CCDC33: variants seen among roughly 807,000 people sequenced by gnomAD.
CCDC33 encodes the protein coiled-coil domain containing 33.
A neutral mutation model predicts 91.9 loss-of-function variants in CCDC33; 94 were observed. That is an observed-to-expected ratio of 1.02 (90% CI 0.87 to 1.21). The LOEUF is 1.21. Among genes scored for constraint, CCDC33 ranks in the 50% most tolerant of loss-of-function variants. The pLI, the probability that CCDC33 is intolerant of heterozygous loss-of-function variation, is 0.00. For missense variants in CCDC33, 940 were observed against 935.5 expected (o/e 1.00, Z -0.06); for synonymous variants, 396 against 374.5 (o/e 1.06, Z -0.66).
At chr15:74,283,820 C>CACATACACACA (rs56079858) in intron 10 of CCDC33, among the ~76,000 whole-genome samples, 2 of 148,218 alleles carry the variant, frequency 1.3e-5, no homozygotes, top group African/African-American at 2.5e-5. Flanking sequence ...ACACACACAC[C>CACATACACACA]CCCTCTACAT....
chr15:74,307,868 C>T (rs138778955), intron 11 of CCDC33, among the ~76,000 whole-genome samples: 1 of 152,010 alleles, frequency 6.6e-6, no homozygotes, highest in African/African-American at 2.4e-5. Flanking sequence ...GGCAGTATGG[C>T]GAGAGCCACT....
rs1360724085 is a variant in CCDC33 at position 74,330,230 on chromosome 15, G to A, written c.1332G>A (p.Glu444=). Residue 444 remains glutamate (E), a synonymous_variant, in exon 12 of 19, where the codon GAG becomes GAA. Transcript: ENST00000398814. Reference sequence around the variant, plus strand: ...GGCGGGCCATGCAGAAGATGGCAGAGGACATCCTGTCTCTGCGGAGACAGG... The same window carrying A: ...GGCGGGCCATGCAGAAGATGGCAGAAGACATCCTGTCTCTGCGGAGACAGG... ...NYRRAMQKMA[E]DILSLRRQAS... 2 of 1,612,680 alleles carry A rather than the reference G, an allele frequency of 1.2e-6. No homozygotes were observed. Among genetic ancestry groups the A allele is most frequent in the African/African-American group, 2.7e-5 (2 of 74,854 alleles).
rs1437376225 is a variant in CCDC33, at chr15:74,266,764, C to T, written c.406C>T (p.Pro136Ser). ...CATCAAGTACCTGCGTGTCTTCCAC[C>T]CCTACCACTTTGAGCTGGTGAAGGT... ...IPIKYLRVFH[P>S]YHFELVKPTE... is the part of the protein sequence containing the mutation. The change falls in exon 4 of 19, where the codon CCC becomes TCC. Residue 136 changes from proline to serine, a missense_variant. Physicochemically the swap from Pro to Ser is moderately conservative, Grantham distance 74. Transcript: ENST00000398814. 1 of 1,613,938 alleles carries T rather than the reference C, an allele frequency of 6.2e-7. No individual in the cohort carries two copies. The highest frequency in any genetic ancestry group is 1.7e-5 in the Admixed American group (1 of 60,028).
chr15:74,249,976 C>T (rs2075654526), intron 2 of CCDC33, among the ~76,000 whole-genome samples: 1 of 152,182 alleles, frequency 6.6e-6, no homozygotes, highest in Admixed American at 6.5e-5. Flanking sequence ...TAAATGTTAG[C>T]CTGTCTCAGG....
At chr15:74,279,814 G>A (rs1266063037) in intron 7 of CCDC33, 149 bp from the exon 8 acceptor site, 3 of 1,057,506 alleles carry the variant, frequency 2.8e-6, no homozygotes, top group Non-Finnish European at 4.0e-6. Context: ...TGGAATTACA[G>A]GCGTGAGCCA....
chr15:74,230,542 T>C (rs1228174562), intron 2 of CCDC33, among the ~76,000 whole-genome samples: 1 of 152,222 alleles, frequency 6.6e-6, no homozygotes, highest in East Asian at 1.9e-4. Flanking sequence ...GAGCTGTGGT[T>C]GCCAAATGCC....
At chr15:74,280,961 G>C (rs2059350135) in intron 9 of CCDC33, among the ~76,000 whole-genome samples, 160 bp downstream of exon 9, 1 of 152,200 alleles carries the variant, frequency 6.6e-6, no homozygotes, top group South Asian at 2.1e-4. Flanking sequence ...GAAGTGAGGA[G>C]CTCCCTGGAA....
intron 7 of CCDC33, among the ~76,000 whole-genome samples, chr15:74,276,152 C>T (rs1193088599): frequency 2.0e-5 from 3 of 152,316 alleles, no homozygotes; most frequent in East Asian, 1.9e-4. Context: ...GTTATGGAGG[C>T]GGAGCCACCC....
intron 15 of CCDC33, among the ~76,000 whole-genome samples, chr15:74,332,130 A>G (rs2060452095): frequency 6.6e-6 from 1 of 152,218 alleles, no homozygotes; most frequent in African/African-American, 2.4e-5. Context: ...AGCAGAAAGG[A>G]CCAGGTAACA....
intron 2 of CCDC33, among the ~76,000 whole-genome samples, chr15:74,260,125 G>A (rs1407826734): frequency 1.3e-5 from 2 of 152,226 alleles, no homozygotes; most frequent in East Asian, 1.9e-4. Context: ...ACTTTGCTGG[G>A]GCAGCTGTCA....
intron 11 of CCDC33, among the ~76,000 whole-genome samples, chr15:74,307,593 C>T (rs2059913937): frequency 6.6e-6 from 1 of 152,070 alleles, no homozygotes; most frequent in African/African-American, 2.4e-5. Flanking sequence ...TCACCATCTT[C>T]CCAGCCTATC....
chr15:74,207,817 T>C (rs767499270), intron 1 of CCDC33: 31 of 1,535,242 alleles, frequency 2.0e-5, no homozygotes, highest in Non-Finnish European at 2.6e-5. Context: ...CACATCCAAC[T>C]GCCCTTCGCA....
chr15:74,217,236 G>A, exon 1 of CCDC33: 1 of 1,231,300 alleles, frequency 8.1e-7, no homozygotes, highest in Non-Finnish European at 1.0e-6. Flanking sequence ...GTGAGAGGGT[G>A]CAGTGCTCAG....
chr15:74,268,503 G>A (rs1245961582), intron 5 of CCDC33, 45 bp downstream of exon 5: 11 of 1,428,178 alleles, frequency 7.7e-6, no homozygotes, highest in Non-Finnish European at 9.8e-6. Context: ...GGGTGGGAAA[G>A]GGCCAAGCTT....
intron 11 of CCDC33, 74 bp from the exon 12 acceptor site, chr15:74,330,115 C>G: frequency 6.7e-7 from 1 of 1,486,694 alleles, no homozygotes; most frequent in Middle Eastern, 1.9e-4. Flanking sequence ...CACTGACTTT[C>G]AAGTGTAGAT....
rs2059694987 is a variant in CCDC33, at chr15:74,296,724, T to C, written c.1290+776T>C. ...GCTGCTGTGTTTTCCTGTTGCTGGTTGAGCAGATGCTCAGGAAGGGCTGGT... is the reference window on the plus strand; with the variant it reads ...GCTGCTGTGTTTTCCTGTTGCTGGTCGAGCAGATGCTCAGGAAGGGCTGGT... On this transcript the variant is annotated intron_variant, in intron 11 of 18. Coordinates refer to ENST00000398814, the MANE Select transcript of CCDC33 (RefSeq NM_025055.5). Among the ~76,000 whole-genome samples, 3 of 152,224 alleles carry C rather than the reference T, an allele frequency of 2.0e-5. No homozygotes were observed. In the South Asian group the frequency reaches 6.2e-4, roughly 32 times the overall value.
At chr15:74,211,559 C>G (rs1002592132) in intron 2 of CCDC33, among the ~76,000 whole-genome samples, 3 of 152,094 alleles carry the variant, frequency 2.0e-5, no homozygotes, top group Non-Finnish European at 4.4e-5. Flanking sequence ...CACCACCATG[C>G]CCGGCTGAAT....
upstream of CCDC33, among the ~76,000 whole-genome samples, chr15:74,232,152 CTGG>C (rs528402281): frequency 9.2e-5 from 14 of 152,246 alleles, no homozygotes; most frequent in South Asian, 2.9e-3. Flanking sequence ...TGTGAAGGGG[CTGG>C]TGGTGACGAT....
At chr15:74,216,771 C>T (rs939112692), upstream of CCDC33, among the ~76,000 whole-genome samples, 1 of 150,826 alleles carries the variant, frequency 6.6e-6, no homozygotes, top group Non-Finnish European at 1.5e-5. Flanking sequence ...TATGAACAGG[C>T]TCTCCCAGAA....
Sources: allele counts gnomAD v4.1 joint callset (sites outside exome capture counted in the v4.1 genomes callset), GRCh38; gene constraint gnomAD v4.1.1; transcripts MANE v1.5; gene names NCBI Gene and HGNC (gene_info 2026-07-23, HGNC 2026-07-21).